The following KCNQ5 variants were observed in gnomAD, a reference collection of about 807,000 sequenced individuals.
KCNQ5 encodes the protein potassium voltage-gated channel subfamily Q member 5.
In KCNQ5, 30 loss-of-function variants were observed where a neutral mutation model predicts 98.2. The observed-to-expected ratio is 0.31, with a 90% CI of 0.23 to 0.41. The LOEUF (loss-of-function observed/expected upper bound fraction) is 0.41. Ranked by LOEUF, KCNQ5 falls within the 10% of genes least tolerant of loss-of-function variation. The probability of loss-of-function intolerance (pLI) is 1.00; values close to 1 mark genes in which losing one functional copy is unlikely to be tolerated. For missense variants in KCNQ5, 835 were observed against 1,182.5 expected (o/e 0.71, Z 4.31); for synonymous variants, 458 against 449.4 (o/e 1.02, Z -0.24).
chr6:72,962,204 TATATATATATATACAC>T lies in KCNQ5; in HGVS notation c.399-41702_399-41687del, dbSNP rs1396973728. On this transcript the variant is annotated intron_variant, in intron 1 of 13. Coordinates refer to ENST00000370398, the MANE Select transcript of KCNQ5 (RefSeq NM_019842.4). ...CTAAATATATATATATATATATACA[TATATATATATATACAC>T]ACATATATATATATATACACATATA... 3.2e-3 allele frequency among the ~76,000 whole-genome samples: 273 copies of T among 84,528 alleles called. 1 individual carries two copies. The highest frequency in any genetic ancestry group is 8.4e-3 in the African/African-American group (252 of 30,026). The allele number at this position is 84,528 out of a possible 152,430, so 55.5% of individuals were successfully genotyped here.
At chr6:73,002,441 T>C (rs1462685958) in intron 1 of KCNQ5, among the ~76,000 whole-genome samples, 1 of 152,214 alleles carries the variant, frequency 6.6e-6, no homozygotes, top group African/African-American at 2.4e-5. Flanking sequence ...ATGGGGATTA[T>C]AATAATTTTA....
At chr6:73,115,657 C>T (rs1040656426) in intron 7 of KCNQ5, among the ~76,000 whole-genome samples, 3 of 152,128 alleles carry the variant, frequency 2.0e-5, no homozygotes, top group South Asian at 2.1e-4. Context: ...CAACCTAGAA[C>T]TCTATATCCA....
At chr6:72,674,325 G>T (rs1767294903) in intron 1 of KCNQ5, among the ~76,000 whole-genome samples, 1 of 152,060 alleles carries the variant, frequency 6.6e-6, no homozygotes. Flanking sequence ...GATGCTAAAT[G>T]GAGATCCTTA....
chr6:73,057,563 A>G (rs1374508291), intron 3 of KCNQ5, among the ~76,000 whole-genome samples: 3 of 152,166 alleles, frequency 2.0e-5, no homozygotes, highest in South Asian at 2.1e-4. Flanking sequence ...AAAGATCTCT[A>G]CAACAAGCAT....
chr6:72,955,789 T>C (rs1767013058), intron 1 of KCNQ5, among the ~76,000 whole-genome samples: 1 of 152,072 alleles, frequency 6.6e-6, no homozygotes, highest in Non-Finnish European at 1.5e-5. Context: ...AAACAATAAT[T>C]CTTGCCTGTA....
intron 1 of KCNQ5, chr6:72,967,661 C>T (rs1209763866): frequency 1.9e-5 from 3 of 154,676 alleles, no homozygotes; most frequent in Non-Finnish European, 4.4e-5. Context: ...ATTAAGGTCA[C>T]TTAAGATATC....
At chr6:73,093,856 C>G (rs1774357761) in intron 5 of KCNQ5, among the ~76,000 whole-genome samples, 1 of 151,682 alleles carries the variant, frequency 6.6e-6, no homozygotes, top group South Asian at 2.1e-4. Context: ...AAGTTCCATG[C>G]ACTGAATAGA....
At chr6:73,158,139 T>C in intron 10 of KCNQ5, 1 of 385,312 alleles carries the variant, frequency 2.6e-6, no homozygotes, top group Non-Finnish European at 5.0e-6. Flanking sequence ...AGGTTGCTCC[T>C]GGTGCGGGGG....
chr6:73,064,009 G>A (rs1014906783), intron 3 of KCNQ5, among the ~76,000 whole-genome samples: 1 of 152,054 alleles, frequency 6.6e-6, no homozygotes, highest in Non-Finnish European at 1.5e-5. Context: ...TGAGAGCCAG[G>A]TGAACCAGGT....
intron 1 of KCNQ5, among the ~76,000 whole-genome samples, chr6:72,856,842 C>T (rs2150148633): frequency 6.6e-6 from 1 of 152,340 alleles, no homozygotes; most frequent in African/African-American, 2.4e-5. Context: ...GGTGATGTAG[C>T]TGCACACACC....
At chr6:72,882,097 G>A (rs926321802) in intron 1 of KCNQ5, among the ~76,000 whole-genome samples, 1 of 152,114 alleles carries the variant, frequency 6.6e-6, no homozygotes, top group African/African-American at 2.4e-5. Flanking sequence ...ATAAAAGGAT[G>A]GAAATGAGTA....
chr6:72,953,694 C>A (rs1766911759), intron 1 of KCNQ5, among the ~76,000 whole-genome samples: 1 of 152,124 alleles, frequency 6.6e-6, no homozygotes, highest in Non-Finnish European at 1.5e-5. Context: ...GAAGAGGTCT[C>A]ACATTTTTAG....
chr6:73,091,026 T>C (rs965867253), intron 5 of KCNQ5, among the ~76,000 whole-genome samples: 1 of 152,228 alleles, frequency 6.6e-6, no homozygotes, highest in Non-Finnish European at 1.5e-5. Flanking sequence ...TGCACTTGTA[T>C]GTTTATTGTA....
intron 1 of KCNQ5, among the ~76,000 whole-genome samples, chr6:72,917,285 T>C (rs1367984806): frequency 1.3e-5 from 2 of 152,154 alleles, no homozygotes; most frequent in Non-Finnish European, 2.9e-5. Context: ...ACCCTTACTT[T>C]CCCTTTTCTG....
At chr6:73,055,250 TG>T in intron 3 of KCNQ5, 1 of 1,287,954 alleles carries the variant, frequency 7.8e-7, no homozygotes, top group Non-Finnish European at 1.1e-6. Context: ...GTTTGACATC[TG>T]CTTCACCTCA....
intron 1 of KCNQ5, among the ~76,000 whole-genome samples, chr6:72,637,943 GGTAA>G (rs1163510391): frequency 6.6e-6 from 1 of 152,042 alleles, no homozygotes; most frequent in East Asian, 1.9e-4. Context: ...AAGAAACCCG[GGTAA>G]GTTCCCTTAG....
intron 1 of KCNQ5, among the ~76,000 whole-genome samples, chr6:72,952,791 A>C (rs1274095400): frequency 6.6e-6 from 1 of 152,202 alleles, no homozygotes; most frequent in Non-Finnish European, 1.5e-5. Context: ...TTTCTCGGGA[A>C]TCTTCCCTAC....
At position 72,799,645 on chromosome 6, in the gene KCNQ5, G is replaced by A. The variant is rs568176116; in HGVS notation, c.398+177058G>A. Among the ~76,000 whole-genome samples the A allele has an allele frequency of 1.8e-4, 28 of 152,238 alleles. 2 individuals are homozygous for A. Among genetic ancestry groups the A allele is most frequent in the African/African-American group, 6.7e-4 (28 of 41,548 alleles). On this transcript the variant is annotated intron_variant, in intron 1 of 13. Coordinates refer to ENST00000370398, the MANE Select transcript of KCNQ5 (RefSeq NM_019842.4). ...GTAACATTTCTTTGAGATCAAACAC[G>A]GAGGTTCCAGAGTTTGAATGTGAAA...
At chr6:73,077,687 A>C (rs557276996) in intron 4 of KCNQ5, 75 bp from the exon 5 acceptor site, 2 of 1,412,828 alleles carry the variant, frequency 1.4e-6, no homozygotes, top group African/African-American at 2.9e-5. Flanking sequence ...AAGTGAATAG[A>C]ATCCTCATAG....
Sources: gnomAD v4.1 joint callset for allele counts (sites outside exome capture counted in the v4.1 genomes callset) on GRCh38, gnomAD v4.1.1 for gene constraint, MANE v1.5 for transcripts, NCBI Gene and HGNC (gene_info 2026-07-23, HGNC 2026-07-21) for gene names.